Variants in RMST observed in about 807,000 individuals in gnomAD.
The protein encoded by RMST is rhabdomyosarcoma 2 associated transcript.
intron 10 of RMST, among the ~76,000 whole-genome samples, chr12:97,517,105 G>C (rs1389782847): frequency 6.6e-6 from 1 of 151,832 alleles, no homozygotes; most frequent in East Asian, 1.9e-4. Flanking sequence ...CCTCTTATCA[G>C]ATGGAAAGAT....
chr12:97,517,774 T>C (rs1403958395), intron 10 of RMST, among the ~76,000 whole-genome samples: 1 of 152,096 alleles, frequency 6.6e-6, no homozygotes, highest in Non-Finnish European at 1.5e-5. Context: ...TGTCTCTGTG[T>C]GATCCTTCTA....
At chr12:97,467,152 T>C (rs957159474) in intron 5 of RMST, among the ~76,000 whole-genome samples, 9 of 152,036 alleles carry the variant, frequency 5.9e-5, no homozygotes, top group African/African-American at 1.4e-4. Context: ...AAAAAGTGCA[T>C]GTAAATATGC....
intron 11 of RMST, among the ~76,000 whole-genome samples, chr12:97,551,081 A>G (rs934672148): frequency 3.9e-5 from 6 of 151,988 alleles, no homozygotes; most frequent in African/African-American, 1.4e-4. Flanking sequence ...TATTCTTTCT[A>G]CAACACCACA....
At chr12:97,463,158 T>C (rs1872782847) in exon 4 of RMST, 1 of 152,298 alleles carries the variant, frequency 6.6e-6, no homozygotes, top group Non-Finnish European at 1.5e-5. Flanking sequence ...ATAGGTTCTA[T>C]GCAGGCAGAT....
intron 5 of RMST, among the ~76,000 whole-genome samples, chr12:97,491,218 G>T (rs1435050899): frequency 6.6e-6 from 1 of 152,160 alleles, no homozygotes; most frequent in Non-Finnish European, 1.5e-5. Flanking sequence ...GCTCACCTAT[G>T]GGGAAGGCTG....
intron 11 of RMST, among the ~76,000 whole-genome samples, chr12:97,535,881 T>C (rs187687118): frequency 6.6e-6 from 1 of 151,788 alleles, no homozygotes; most frequent in Admixed American, 6.6e-5. Context: ...CTCAGTGGGC[T>C]TATTTCATAG....
At chr12:97,562,765 C>T (rs183421350) in intron 13 of RMST, among the ~76,000 whole-genome samples, 2 of 152,290 alleles carry the variant, frequency 1.3e-5, no homozygotes, top group South Asian at 2.1e-4. Context: ...CACTTCCTTT[C>T]GTTTAACTAT....
At chr12:97,465,186 G>C (rs1350425666) in intron 4 of RMST, 1 of 152,270 alleles carries the variant, frequency 6.6e-6, no homozygotes, top group Non-Finnish European at 1.5e-5. Flanking sequence ...TAGTTTGTCT[G>C]ATGGTATTGG....
At chr12:97,540,888 C>T (rs543968883) in intron 11 of RMST, among the ~76,000 whole-genome samples, 1 of 151,116 alleles carries the variant, frequency 6.6e-6, no homozygotes, top group South Asian at 2.1e-4. Context: ...AGTAAAATTT[C>T]CAATCACTGT....
intron 10 of RMST, among the ~76,000 whole-genome samples, chr12:97,503,193 T>C (rs1160920362): frequency 6.6e-6 from 1 of 152,208 alleles, no homozygotes. Context: ...TCTTCTCCTA[T>C]AGCAAAATTC....
chr12:97,541,730 G>A (rs7977469), intron 11 of RMST, among the ~76,000 whole-genome samples: 119,521 of 147,818 alleles, frequency 0.81, 48,644 homozygotes, highest in Middle Eastern at 0.93. Context: ...TAAAAAAAAA[G>A]AAAAAGAAAA....
intron 11 of RMST, among the ~76,000 whole-genome samples, chr12:97,545,522 T>A (rs910760573): frequency 1.3e-5 from 2 of 152,082 alleles, no homozygotes; most frequent in Admixed American, 6.6e-5. Context: ...AATCAGTCAT[T>A]GAGCTTGACC....
intron 10 of RMST, among the ~76,000 whole-genome samples, chr12:97,508,397 A>G (rs928572027): frequency 1.3e-5 from 2 of 152,210 alleles, no homozygotes; most frequent in Non-Finnish European, 2.9e-5. Flanking sequence ...AGATTAGAGG[A>G]AAGAAGCTAA....
chr12:97,488,832 G>C (rs1231912122), intron 5 of RMST, among the ~76,000 whole-genome samples: 1 of 152,074 alleles, frequency 6.6e-6, no homozygotes, highest in African/African-American at 2.4e-5. Context: ...CCTAGTCCTT[G>C]CATTACACTT....
At chr12:97,478,875 A>G (rs1874871174) in intron 5 of RMST, among the ~76,000 whole-genome samples, 1 of 152,168 alleles carries the variant, frequency 6.6e-6, no homozygotes, top group African/African-American at 2.4e-5. Context: ...TCCTAGGACC[A>G]GGGCAAATTG....
At chr12:97,503,080 T>C (rs1452379087) in intron 10 of RMST, among the ~76,000 whole-genome samples, 2 of 152,212 alleles carry the variant, frequency 1.3e-5, no homozygotes, top group African/African-American at 4.8e-5. Flanking sequence ...AAATTTTGTT[T>C]ATGCTTTCCA....
intron 5 of RMST, among the ~76,000 whole-genome samples, chr12:97,490,565 G>A (rs1876675520): frequency 6.6e-6 from 1 of 152,086 alleles, no homozygotes; most frequent in Admixed American, 6.6e-5. Context: ...AAGGATGTTT[G>A]CTATTTCATT....
At chr12:97,549,402 T>G (rs1883165394) in intron 11 of RMST, among the ~76,000 whole-genome samples, 2 of 152,214 alleles carry the variant, frequency 1.3e-5, no homozygotes. Context: ...CAAAAGTAGC[T>G]TTTGGTTTAT....
intron 11 of RMST, among the ~76,000 whole-genome samples, chr12:97,540,270 A>G (rs1209745762): frequency 2.0e-5 from 3 of 151,724 alleles, no homozygotes; most frequent in Non-Finnish European, 4.4e-5. Context: ...AACTATGACC[A>G]TTAACTCCAT....
Sources: gnomAD v4.1 joint callset for allele counts (sites outside exome capture counted in the v4.1 genomes callset) on GRCh38, gnomAD v4.1.1 for gene constraint, MANE v1.5 for transcripts, NCBI Gene and HGNC (gene_info 2026-07-23, HGNC 2026-07-21) for gene names.